The following ARHGAP39 variants were observed in gnomAD, a reference collection of about 807,000 sequenced individuals.
ARHGAP39 encodes the protein Rho GTPase activating protein 39, also known as rho GTPase-activating protein 39.
In ARHGAP39, 44 loss-of-function variants were observed where a neutral mutation model predicts 106.9. The ratio of observed to expected loss-of-function variants is 0.41; its 90% CI spans 0.32 to 0.53. The LOEUF is 0.53. ARHGAP39 is among the 20% of genes least tolerant of loss of function. The pLI is 0.21. For missense variants in ARHGAP39, 1,496 were observed against 1,577.3 expected, an observed-to-expected ratio of 0.95 and a Z score of 0.87; for synonymous variants, 768 against 693.2, an observed-to-expected ratio of 1.11 and a Z score of -1.69.
At chr8:144,606,010 G>A (rs935410777) in intron 1 of ARHGAP39, among the ~76,000 whole-genome samples, 32 of 152,212 alleles carry the variant, frequency 2.1e-4, no homozygotes, top group African/African-American at 7.2e-4. Flanking sequence ...TGGGGGGACC[G>A]TGGGACCGTA....
At chr8:144,602,707 G>GGC (rs1820078739) in intron 2 of ARHGAP39, among the ~76,000 whole-genome samples, 2 of 124,226 alleles carry the variant, frequency 1.6e-5, no homozygotes, top group Non-Finnish European at 1.6e-5. Context: ...TGTGCGTGGA[G>GGC]TTGTGTGCGC....
At chr8:144,629,726 AGAGGGTG>A (rs1821015242) in intron 1 of ARHGAP39, among the ~76,000 whole-genome samples, 1 of 152,214 alleles carries the variant, frequency 6.6e-6, no homozygotes, top group Non-Finnish European at 1.5e-5. Context: ...CTGTGCTGGC[AGAGGGTG>A]GAGAGGACGA....
intron 1 of ARHGAP39, among the ~76,000 whole-genome samples, chr8:144,623,270 C>T (rs561946138): frequency 3.3e-5 from 5 of 151,732 alleles, no homozygotes; most frequent in Non-Finnish European, 7.4e-5. Flanking sequence ...AGTCAAGAAA[C>T]GAAAAAGCAA....
intron 2 of ARHGAP39, among the ~76,000 whole-genome samples, chr8:144,589,613 A>T (rs1457944829): frequency 1.3e-5 from 2 of 152,246 alleles, no homozygotes; most frequent in Non-Finnish European, 2.9e-5. Context: ...TAATCCAGGG[A>T]CAACCAGGTT....
At chr8:144,688,553 C>T (rs2976622), upstream of ARHGAP39, among the ~76,000 whole-genome samples, 3,737 of 152,250 alleles carry the variant, frequency 0.025, 441 homozygotes, top group East Asian at 0.36. Context: ...CGAGACCAGC[C>T]TGGGCTGCAT....
chr8:144,574,683 A>AAAT (rs1213261097), intron 3 of ARHGAP39, among the ~76,000 whole-genome samples: 2 of 152,200 alleles, frequency 1.3e-5, no homozygotes. Flanking sequence ...CAAAAACAAA[A>AAAT]AATAATAATA....
At chr8:144,665,152 C>T (rs1029773813) in intron 1 of ARHGAP39, among the ~76,000 whole-genome samples, 1 of 152,190 alleles carries the variant, frequency 6.6e-6, no homozygotes, top group Non-Finnish European at 1.5e-5. Context: ...AAGAGACTGG[C>T]AGCATTTTGC....
chr8:144,658,735 C>T (rs912862442), intron 1 of ARHGAP39, among the ~76,000 whole-genome samples: 4 of 151,872 alleles, frequency 2.6e-5, no homozygotes, highest in Non-Finnish European at 4.4e-5. Context: ...TGACACATTA[C>T]CGGAGGTCCT....
rs1821445438 is a variant in ARHGAP39, at chr8:144,646,427, A to G, written c.-82+39259T>C. 6.6e-6 allele frequency among the ~76,000 whole-genome samples: 1 copy of G among 152,118 alleles called. No homozygotes were observed. Among genetic ancestry groups the G allele is most frequent in the African/African-American group, 2.4e-5 (1 of 41,406 alleles). ...TGTTTGTTTTTAATCCTGTGAAAGTATCGATAGCCAAAAAACTAAATTTTA... is the reference window on the plus strand; with the variant it reads ...TGTTTGTTTTTAATCCTGTGAAAGTGTCGATAGCCAAAAAACTAAATTTTA... On this transcript the variant is annotated intron_variant, in intron 1 of 11. Coordinates refer to ENST00000377307, the MANE Select transcript of ARHGAP39 (RefSeq NM_025251.3). The surrounding 1 kb of genome is among the most constrained non-coding windows in gnomAD (Gnocchi z 5.7).
intron 6 of ARHGAP39, 35 bp from the exon 7 acceptor site, chr8:144,537,848 CAA>C: frequency 6.3e-7 from 1 of 1,598,540 alleles, no homozygotes; most frequent in Non-Finnish European, 8.6e-7. Context: ...CACGACAGAA[CAA>C]AACGCCAGGA....
chr8:144,533,419 G>T, intron 8 of ARHGAP39, 94 bp from the exon 9 acceptor site: 1 of 1,293,226 alleles, frequency 7.7e-7, no homozygotes, highest in Non-Finnish European at 1.1e-6. Context: ...ATAGGTGGGT[G>T]GCGCTCTTCA....
chr8:144,594,390 T>G (rs1819518887), intron 2 of ARHGAP39, among the ~76,000 whole-genome samples: 1 of 152,062 alleles, frequency 6.6e-6, no homozygotes, highest in Non-Finnish European at 1.5e-5. Flanking sequence ...AGTTTGGTGG[T>G]TCCTCAAAAA....
rs1205216915 is a variant in ARHGAP39, at chr8:144,679,325, AC to A, written c.-82+6360del. The stretch of plus-strand genomic sequence containing the variant: ...CGTCACACCCTGCTTTGGTCCGTGG[AC>A]CCTGAGATGCCAGTCCAGGATGGTG... On this transcript the variant is annotated intron_variant, in intron 1 of 11. Coordinates refer to ENST00000377307, the MANE Select transcript of ARHGAP39 (RefSeq NM_025251.3). This position sits in a 1 kb window ranked among gnomAD's most constrained non-coding sequence, Gnocchi z 4.7. Among the ~76,000 whole-genome samples, 1 of 152,124 alleles carries A rather than the reference AC, an allele frequency of 6.6e-6. No homozygotes were observed. The highest frequency in any genetic ancestry group is 1.5e-5 in the Non-Finnish European group (1 of 68,028).
intron 4 of ARHGAP39, among the ~76,000 whole-genome samples, chr8:144,553,167 G>A (rs998460106): frequency 2.0e-5 from 3 of 152,128 alleles, no homozygotes; most frequent in South Asian, 2.1e-4. Flanking sequence ...GATCTCCCAC[G>A]AGCGGCCACA....
In ARHGAP39 at chr8:144,530,610, C is replaced by T. The variant is rs375939869; in HGVS notation, c.3157G>A (p.Val1053Met). 3.4e-5 allele frequency: 55 copies of T among 1,596,600 alleles called. No individual in the cohort carries two copies. Among genetic ancestry groups the T allele is most frequent in the Non-Finnish European group, 4.4e-5 (52 of 1,174,364 alleles). Residue 1053 changes from valine to methionine, a missense_variant, in exon 12 of 12, where the codon GTG (valine) becomes ATG (methionine). This residue lies in a region of ARHGAP39 where 470 missense variants were observed against 605.1 expected (regional missense o/e 0.78). Transcript: ENST00000377307. Reference sequence around the variant, plus strand: ...GTGACCGCGACGTTGGCCGGCTGCACGAAGACCTGGTGGAGGAGCGAGGGT... The same window carrying T: ...GTGACCGCGACGTTGGCCGGCTGCATGAAGACCTGGTGGAGGAGCGAGGGT... ...CYLIRFLQVF[V>M]QPANVAVTKM...
At chr8:144,696,563 T>C in the ARHGAP39 span, among the ~76,000 whole-genome samples, 1 of 152,246 alleles carries the variant, frequency 6.6e-6, no homozygotes, top group African/African-American at 2.4e-5. Flanking sequence ...CCGTCACGGT[T>C]ACAAAGGATT....
intron 3 of ARHGAP39, among the ~76,000 whole-genome samples, chr8:144,579,252 T>C (rs1200018225): frequency 6.7e-6 from 1 of 148,702 alleles, no homozygotes; most frequent in Non-Finnish European, 1.5e-5. Flanking sequence ...TCAAAGTCAT[T>C]AGTCATTAAG....
intron 1 of ARHGAP39, among the ~76,000 whole-genome samples, chr8:144,635,867 C>T (rs1242210775): frequency 1.1e-5 from 1 of 87,332 alleles, no homozygotes; most frequent in African/African-American, 5.0e-5. Flanking sequence ...AGGCTACCGC[C>T]AGGTAGACAG....
chr8:144,596,434 C>T (rs1022338843), intron 2 of ARHGAP39, among the ~76,000 whole-genome samples: 4 of 152,260 alleles, frequency 2.6e-5, no homozygotes, highest in African/African-American at 9.6e-5. Context: ...TCCACCACTG[C>T]TCCTGTCTGG....
Sources: gnomAD v4.1 joint callset for allele counts (sites outside exome capture counted in the v4.1 genomes callset) on GRCh38, gnomAD v4.1.1 for gene constraint, gnomAD v4.1.1 regional missense constraint, Gnocchi (gnomAD v3.1) non-coding constraint, MANE v1.5 for transcripts, NCBI Gene and HGNC (gene_info 2026-07-23, HGNC 2026-07-21) for gene names.